CAMTA1: variants seen among roughly 807,000 people sequenced by gnomAD.
CAMTA1 encodes the protein calmodulin-binding transcription activator 1.
CAMTA1 carries 27 observed loss-of-function variants against 170.9 expected under a neutral mutation model. The ratio of observed to expected loss-of-function variants is 0.16; its 90% CI spans 0.12 to 0.22. The LOEUF is 0.22. Ranked by LOEUF, CAMTA1 falls within the 10% of genes least tolerant of loss-of-function variation. CAMTA1 has a pLI of 1.00. For synonymous variants in CAMTA1, 833 were observed against 891.5 expected (o/e 0.93, Z 1.17); for missense variants, 1,619 against 2,217.2 (o/e 0.73, Z 5.42).
At chr1:7,369,628 G>C (rs567336462) in intron 5 of CAMTA1, among the ~76,000 whole-genome samples, 2 of 152,248 alleles carry the variant, frequency 1.3e-5, no homozygotes, top group African/African-American at 4.8e-5. Context: ...CCCACAGCCT[G>C]TGTGTCGGTG....
chr1:7,728,285 G>C (rs2096705982), intron 11 of CAMTA1, among the ~76,000 whole-genome samples: 1 of 152,238 alleles, frequency 6.6e-6, no homozygotes, highest in South Asian at 2.1e-4. Context: ...CCCGTGCTTG[G>C]CGGGGGGATG....
At chr1:7,311,039 T>A (rs1676658333) in intron 5 of CAMTA1, among the ~76,000 whole-genome samples, 1 of 152,136 alleles carries the variant, frequency 6.6e-6, no homozygotes, top group Non-Finnish European at 1.5e-5. Flanking sequence ...CCAACAAGAT[T>A]GTTTTTCTTT....
chr1:6,945,794 T>G (rs1253497224), intron 3 of CAMTA1, among the ~76,000 whole-genome samples: 3 of 152,250 alleles, frequency 2.0e-5, no homozygotes, highest in Non-Finnish European at 4.4e-5. Context: ...CTTATCATAA[T>G]GTTTTCAAGT....
intron 3 of CAMTA1, among the ~76,000 whole-genome samples, chr1:6,827,240 C>A (rs536776403): frequency 1.8e-4 from 27 of 152,032 alleles, no homozygotes; most frequent in Non-Finnish European, 3.7e-4. Flanking sequence ...GGTAGAGGAG[C>A]GTATGTTCTG....
At chr1:7,317,460 T>C (rs1677696579) in intron 5 of CAMTA1, among the ~76,000 whole-genome samples, 1 of 152,272 alleles carries the variant, frequency 6.6e-6, no homozygotes, top group South Asian at 2.1e-4. Context: ...AGTGAATTAA[T>C]ACGTGTCTAG....
At chr1:6,868,501 A>G (rs976563882) in intron 3 of CAMTA1, among the ~76,000 whole-genome samples, 4 of 152,022 alleles carry the variant, frequency 2.6e-5, no homozygotes, top group African/African-American at 9.7e-5. Flanking sequence ...TTTGTTTTGA[A>G]AGTAATATGC....
chr1:6,842,791 G>T (rs1443036638), intron 3 of CAMTA1, among the ~76,000 whole-genome samples: 1 of 152,102 alleles, frequency 6.6e-6, no homozygotes, highest in Admixed American at 6.6e-5. Context: ...GGGCATGGTG[G>T]TGCATGCCTG....
chr1:7,030,925 C>G (rs1702697817), intron 3 of CAMTA1, among the ~76,000 whole-genome samples: 1 of 151,512 alleles, frequency 6.6e-6, no homozygotes, highest in East Asian at 1.9e-4. Flanking sequence ...AGCTCCGCCT[C>G]CCGGGTTCAC....
At chr1:7,298,120 C>G (rs1482022514) in intron 5 of CAMTA1, among the ~76,000 whole-genome samples, 6 of 152,176 alleles carry the variant, frequency 3.9e-5, no homozygotes. Context: ...AGGCTGGTAT[C>G]TGTCTGTAGA....
intron 4 of CAMTA1, among the ~76,000 whole-genome samples, chr1:7,147,840 TACCATGCACACACACACTCATAC>T (rs1646312735): frequency 1.0e-5 from 1 of 99,476 alleles, no homozygotes; most frequent in Admixed American, 1.1e-4. Context: ...CAAACTCATA[TACCATGCACACACACACTCATAC>T]ACCATGCACA....
intron 5 of CAMTA1, among the ~76,000 whole-genome samples, chr1:7,398,189 C>CTA (rs2089549485): frequency 3.7e-4 from 12 of 32,302 alleles, no homozygotes; most frequent in Non-Finnish European, 4.9e-4. Context: ...CTCTCTCTCT[C>CTA]TCTCTATATA....
At position 7,580,445 on chromosome 1, in the gene CAMTA1, G is replaced by C. The variant is rs1178053760; in HGVS notation, c.511-59955G>C. ...AGGTGAGGGGGCTGATGGGAGCCAT[G>C]ATGAGGTCCCAGGGGTAGTGTGCCC... On this transcript the variant is annotated intron_variant, in intron 6 of 22. Transcript: ENST00000303635. This position sits in a 1 kb window ranked among gnomAD's most constrained non-coding sequence, Gnocchi z 4.3. 6.6e-6 allele frequency among the ~76,000 whole-genome samples: 1 copy of C among 152,180 alleles called. No individual in the cohort carries two copies. Among genetic ancestry groups the C allele is most frequent in the African/African-American group, 2.4e-5 (1 of 41,436 alleles).
rs1013628192 is a variant in CAMTA1, at chr1:7,673,403, G to C, written c.2779+2366G>C. Among the ~76,000 whole-genome samples, 4 of 152,206 alleles carry C rather than the reference G, an allele frequency of 2.6e-5. No homozygotes were observed. The highest frequency in any genetic ancestry group is 9.7e-5 in the African/African-American group (4 of 41,448). On this transcript the variant is annotated intron_variant, in intron 10 of 22. Coordinates refer to ENST00000303635, the MANE Select transcript of CAMTA1 (RefSeq NM_015215.4). The surrounding 1 kb of genome is among the most constrained non-coding windows in gnomAD (Gnocchi z 4.6). The stretch of plus-strand genomic sequence containing the variant: ...GGAGGTGTGTGAAGCACCTGGCCCA[G>C]TGCTCCATTCCTGAAGGGTTCCCAT...
intron 4 of CAMTA1, among the ~76,000 whole-genome samples, chr1:7,118,838 C>A (rs775644021): frequency 6.6e-6 from 1 of 152,166 alleles, no homozygotes; most frequent in Non-Finnish European, 1.5e-5. Context: ...GAGGGAAACA[C>A]AACGGGAACC....
At chr1:7,111,168 C>T (rs957159867) in intron 4 of CAMTA1, among the ~76,000 whole-genome samples, 4 of 152,204 alleles carry the variant, frequency 2.6e-5, no homozygotes, top group African/African-American at 4.8e-5. Flanking sequence ...TTCTAATGAC[C>T]TTGTGATTAC....
At chr1:6,990,361 C>A (rs1696151280) in intron 3 of CAMTA1, among the ~76,000 whole-genome samples, 1 of 152,090 alleles carries the variant, frequency 6.6e-6, no homozygotes, top group African/African-American at 2.4e-5. Flanking sequence ...TATGATATAT[C>A]CATCACTTTA....
chr1:7,370,981 G>C (rs1331082298), intron 5 of CAMTA1, among the ~76,000 whole-genome samples: 1 of 141,208 alleles, frequency 7.1e-6, no homozygotes, highest in African/African-American at 2.6e-5. Flanking sequence ...GCGCGATCTC[G>C]GCTCACTGCA....
intron 3 of CAMTA1, among the ~76,000 whole-genome samples, chr1:6,832,522 G>A (rs748618885): frequency 1.4e-4 from 21 of 152,066 alleles, no homozygotes; most frequent in Non-Finnish European, 2.2e-4. Flanking sequence ...TTTTTCTAGT[G>A]TATTTATATG....
intron 2 of CAMTA1, among the ~76,000 whole-genome samples, chr1:6,823,363 C>T (rs1025256829): frequency 1.3e-5 from 2 of 152,104 alleles, no homozygotes; most frequent in Non-Finnish European, 2.9e-5. Context: ...TTTAGTTGAA[C>T]AGTTTCCTTT....
Sources: allele counts gnomAD v4.1 joint callset (sites outside exome capture counted in the v4.1 genomes callset), GRCh38; gene constraint gnomAD v4.1.1; non-coding constraint Gnocchi (gnomAD v3.1); transcripts MANE v1.5; gene names NCBI Gene and HGNC (gene_info 2026-07-23, HGNC 2026-07-21).